Variants in INF2 observed in about 807,000 individuals in gnomAD.
INF2 encodes the protein inverted formin 2, also known as inverted formin-2.
INF2 carries 43 observed loss-of-function variants against 123.5 expected under a neutral mutation model. That is an observed-to-expected ratio of 0.35 (90% CI 0.27 to 0.45). The LOEUF (loss-of-function observed/expected upper bound fraction) is 0.45. Ranked by LOEUF, INF2 falls within the 20% of genes least tolerant of loss-of-function variation. The pLI, the probability that INF2 is intolerant of heterozygous loss-of-function variation, is 1.00. For missense variants in INF2, 1,453 were observed against 1,682.7 expected (o/e 0.86, Z 2.39); for synonymous variants, 851 against 745.0 (o/e 1.14, Z -2.32).
In INF2 at chr14:104,684,034, C is replaced by T; in HGVS notation, c.-104+2452C>T. ...CCTCAAATTCCCAACACCAGGGTTG[C>T]AAGGCCCAGTGTCTTCTCACCTCGT... On this transcript the variant is annotated intron_variant, in intron 1 of 2. Coordinates refer to the INF2 transcript ENST00000674723. The surrounding 1 kb of genome is among the most constrained non-coding windows in gnomAD (Gnocchi z 5.0). The T allele has an allele frequency of 2.2e-6, 1 of 456,012 alleles. No individual in the cohort carries two copies. The highest frequency in any genetic ancestry group is 4.4e-6 in the Non-Finnish European group (1 of 226,742). 28.2% of individuals were successfully genotyped at this position (456,012 alleles called of 1,614,324 possible).
At chr14:104,687,786 G>A (rs1888707353), upstream of INF2, among the ~76,000 whole-genome samples, 1 of 152,150 alleles carries the variant, frequency 6.6e-6, no homozygotes, top group African/African-American at 2.4e-5. This position sits in a 1 kb window ranked among gnomAD's most constrained non-coding sequence, Gnocchi z 5.6. Flanking sequence ...CTCTGAGTAA[G>A]GCTCAGGACT....
upstream of INF2, among the ~76,000 whole-genome samples, chr14:104,687,706 G>A (rs1339827401): frequency 6.6e-6 from 1 of 152,142 alleles, no homozygotes; most frequent in African/African-American, 2.4e-5. The surrounding 1 kb of genome is among the most constrained non-coding windows in gnomAD (Gnocchi z 5.6). Context: ...CCCTGGGGGC[G>A]CTGGGCCTCC....
Position 104,719,570 on chromosome 14 carries a change from G to A in INF2, c.*777G>A, listed in dbSNP as rs550476966. ...CTGCCAGGTGTGTGCCCTGAGGCTGGCGGCTGGATGCGTGGCCAATAAAAA... is the reference window on the plus strand; with the variant it reads ...CTGCCAGGTGTGTGCCCTGAGGCTGACGGCTGGATGCGTGGCCAATAAAAA... On this transcript the variant is annotated 3_prime_UTR_variant, in exon 23 of 23. Coordinates refer to ENST00000392634, the MANE Select transcript of INF2 (RefSeq NM_022489.4). 3.9e-5 allele frequency: 6 copies of A among 152,360 alleles called. No individual in the cohort carries two copies. The highest frequency in any genetic ancestry group is 1.4e-4 in the African/African-American group (6 of 41,584). The allele number at this position is 152,360 out of a possible 1,614,324, so 9.4% of individuals were successfully genotyped here. A position where few individuals can be genotyped will look rare whatever the true frequency, so the allele number is the denominator to read the frequency against.
chr14:104,703,987 C>T, intron 5 of INF2, 38 bp downstream of exon 5: 1 of 1,606,752 alleles, frequency 6.2e-7, no homozygotes, highest in South Asian at 1.1e-5. Flanking sequence ...GGCTCCCCCT[C>T]CTGCTCCCAA....
At chr14:104,713,682 G>A in intron 20 of INF2, 76 bp downstream of exon 20, 3 of 1,505,544 alleles carry the variant, frequency 2.0e-6, no homozygotes, top group South Asian at 1.3e-5. Context: ...AAGTCCTCCT[G>A]ACTTCACTGG....
chr14:104,718,858 C>G lies in INF2; in HGVS notation c.*65C>G, dbSNP rs758099817. ...GGCCACAGGACATGCTGCCATTCTGCCAAGAGAGGCTCTTCTGGGGGCCAG... is the reference window on the plus strand; with the variant it reads ...GGCCACAGGACATGCTGCCATTCTGGCAAGAGAGGCTCTTCTGGGGGCCAG... On this transcript the variant is annotated 3_prime_UTR_variant, in exon 23 of 23. Coordinates refer to ENST00000392634, the MANE Select transcript of INF2 (RefSeq NM_022489.4). 1 of 1,605,894 alleles carries G rather than the reference C, an allele frequency of 6.2e-7. No homozygotes were observed. The highest frequency in any genetic ancestry group is 1.1e-5 in the South Asian group (1 of 89,990).
At chr14:104,712,389 A>G (rs772227529) in intron 16 of INF2, 44 bp from the exon 17 acceptor site, 3 of 1,610,096 alleles carry the variant, frequency 1.9e-6, no homozygotes, top group Non-Finnish European at 2.5e-6. Flanking sequence ...AGCGAGGCTG[A>G]CGTCAGCCGT....
chr14:104,682,808 C>T (rs1489680521), intron 1 of INF2, among the ~76,000 whole-genome samples: 1 of 152,140 alleles, frequency 6.6e-6, no homozygotes, highest in Non-Finnish European at 1.5e-5. Context: ...CTAAAATCCT[C>T]ACGTCCCCCC....
chr14:104,702,596 C>T (rs1163475477), intron 2 of INF2, among the ~76,000 whole-genome samples: 1 of 152,218 alleles, frequency 6.6e-6, no homozygotes, highest in Non-Finnish European at 1.5e-5. Flanking sequence ...AAGCCAGAGG[C>T]GCCTCGTTTC....
rs1888604229 is a variant in INF2, at chr14:104,684,183, T to C, written c.-104+2601T>C. The C allele has an allele frequency of 4.4e-6, 2 of 454,816 alleles. No homozygotes were observed. Among genetic ancestry groups the C allele is most frequent in the Admixed American group, 4.7e-5 (2 of 42,492 alleles). The allele number at this position is 454,816 out of a possible 1,614,324, so 28.2% of individuals were successfully genotyped here. ...GTGCCGCCACGGGAAACAGCACGCA[T>C]CCCATCTGGACTCCCACCAGACAAC... On this transcript the variant is annotated intron_variant, in intron 1 of 2. Coordinates refer to the INF2 transcript ENST00000674723. The surrounding 1 kb of genome is among the most constrained non-coding windows in gnomAD (Gnocchi z 5.0).
chr14:104,689,095 G>C, upstream of INF2: 1 of 542,396 alleles, frequency 1.8e-6, no homozygotes, highest in Non-Finnish European at 2.4e-6. Flanking sequence ...AGGCAGGGCT[G>C]CGGAGAGGAG....
intron 13 of INF2, 79 bp downstream of exon 13, chr14:104,710,267 G>A: frequency 1.0e-6 from 1 of 987,900 alleles, no homozygotes; most frequent in Admixed American, 2.0e-5. Context: ...CGGGGCCCCT[G>A]CTACTGCCAG....
At chr14:104,687,937 A>T (rs1262227297), upstream of INF2, among the ~76,000 whole-genome samples, 1 of 152,158 alleles carries the variant, frequency 6.6e-6, no homozygotes, top group East Asian at 1.9e-4. The surrounding 1 kb of genome is among the most constrained non-coding windows in gnomAD (Gnocchi z 5.6). Flanking sequence ...TCAGCTCCCA[A>T]CGCAGATGAG....
chr14:104,704,074 T>G, intron 5 of INF2, 125 bp downstream of exon 5: 1 of 1,543,228 alleles, frequency 6.5e-7, no homozygotes, highest in Non-Finnish European at 8.7e-7. Context: ...GGTGGCTCCC[T>G]CGGAGTAACC....
chr14:104,682,086 G>C (rs1337359350), intron 1 of INF2, among the ~76,000 whole-genome samples: 1 of 152,226 alleles, frequency 6.6e-6, no homozygotes, highest in Non-Finnish European at 1.5e-5. Flanking sequence ...CCAGTGCCTG[G>C]CGAGGAATTG....
intron 13 of INF2, 45 bp downstream of exon 13, chr14:104,710,233 C>T: frequency 7.0e-7 from 1 of 1,426,588 alleles, no homozygotes; most frequent in Non-Finnish European, 9.6e-7. Context: ...GGACAGGCCT[C>T]CGAACCGGGG....
intron 5 of INF2, chr14:104,704,772 A>AC (rs1889696681): frequency 6.6e-6 from 1 of 152,112 alleles, no homozygotes; most frequent in Non-Finnish European, 1.5e-5. Context: ...ACGCACATGT[A>AC]CCCCCGAGTC....
chr14:104,709,695 G>A lies in INF2; in HGVS notation c.2128G>A (p.Ala710Thr), dbSNP rs373806518. Residue 710 changes from alanine to threonine, a missense_variant, in exon 12 of 23, where the codon GCC becomes ACC. Ala to Thr is a moderately conservative substitution (Grantham distance 58). Transcript: ENST00000392634. ...SADHFYLLLL[A>T]IPCYQLRIEC... ...CGACCACTTCTACCTCCTCCTGCTG[G>A]CCATTCCCTGGTGAGCATGGCCGCC... 3 of 1,612,540 alleles carry A rather than the reference G, an allele frequency of 1.9e-6. No individual in the cohort carries two copies. Among genetic ancestry groups the A allele is most frequent in the Admixed American group, 3.3e-5 (2 of 60,024 alleles).
chr14:104,709,823 C>T, intron 12 of INF2, 118 bp downstream of exon 12: 1 of 898,936 alleles, frequency 1.1e-6, no homozygotes, highest in East Asian at 2.5e-5. Context: ...GCCCCGGGCT[C>T]CAGGAGCAGC....
Sources: allele counts gnomAD v4.1 joint callset (sites outside exome capture counted in the v4.1 genomes callset), GRCh38; gene constraint gnomAD v4.1.1; non-coding constraint Gnocchi (gnomAD v3.1); transcripts MANE v1.5; gene names NCBI Gene and HGNC (gene_info 2026-07-23, HGNC 2026-07-21).